The following CES4A variants were observed in gnomAD, a reference collection of about 807,000 sequenced individuals.
The protein encoded by CES4A is carboxylesterase 6.
Under a neutral mutation model 65.4 loss-of-function variants are expected in CES4A, and 48 were observed. The observed-to-expected ratio is 0.73, with a 90% CI of 0.58 to 0.93. CES4A has a LOEUF of 0.93. Ranked by LOEUF, CES4A falls within the 40% of genes least tolerant of loss-of-function variation. The pLI, the probability that CES4A is intolerant of heterozygous loss-of-function variation, is 0.00. For missense variants in CES4A, 685 were observed against 728.5 expected, an observed-to-expected ratio of 0.94 and a Z score of 0.69; for synonymous variants, 247 against 281.8, an observed-to-expected ratio of 0.88 and a Z score of 1.24.
At position 67,006,548 on chromosome 16, in the gene CES4A, T is replaced by G; in HGVS notation, c.1444+29T>G. The G allele has an allele frequency of 1.3e-6, 2 of 1,544,658 alleles. 1 individual carries two copies. Among genetic ancestry groups the G allele is most frequent in the South Asian group, 2.3e-5 (2 of 85,444 alleles). ...CAAAGGTCCCACCTGATACCCCAAC[T>G]GGGTGTCCAGTCTCCCACCTCTGGA... is the stretch of plus-strand genomic sequence containing the variant. On this transcript the variant is annotated intron_variant, in intron 12 of 13. Transcript: ENST00000648724.
chr16:66,993,635 C>T (rs917018164), intron 1 of CES4A, among the ~76,000 whole-genome samples: 6 of 152,242 alleles, frequency 3.9e-5, no homozygotes, highest in African/African-American at 4.8e-5. Context: ...TGAGCCACTG[C>T]GCCTGGCCTT....
intron 10 of CES4A, 48 bp from the exon 11 acceptor site, chr16:67,005,192 G>A (rs372799171): frequency 1.9e-6 from 3 of 1,607,018 alleles, no homozygotes; most frequent in Non-Finnish European, 2.6e-6. Context: ...GCCCACCTCT[G>A]GCCCAGCTGG....
In CES4A at chr16:67,001,850, C is replaced by T. The variant is rs1380088592; in HGVS notation, c.690+389C>T. ...CAGGGGCATGAGTTGACGGGCTTTG[C>T]CCCTGACTCCTGTGTGACTGCTGAC... On this transcript the variant is annotated intron_variant, in intron 5 of 13. Coordinates refer to ENST00000648724, the Ensembl canonical transcript of CES4A. This position sits in a 1 kb window ranked among gnomAD's most constrained non-coding sequence, Gnocchi z 4.1. Among the ~76,000 whole-genome samples the T allele has an allele frequency of 2.0e-5, 3 of 152,256 alleles. No individual in the cohort carries two copies. The highest frequency in any genetic ancestry group is 7.2e-5 in the African/African-American group (3 of 41,464).
chr16:66,995,782 C>T (rs1964798337), exon 2 of CES4A: 2 of 1,614,096 alleles, frequency 1.2e-6, no homozygotes, highest in Admixed American at 1.7e-5. Context: ...CTCCAGAACC[C>T]CCGGAGCCCT....
At chr16:67,009,748 C>T (rs1450850954) in exon 14 of CES4A, 1 of 152,338 alleles carries the variant, frequency 6.6e-6, no homozygotes, top group Admixed American at 6.5e-5. Context: ...TGAATTTCTC[C>T]ACCTATAAAA....
rs962367724 is a variant in CES4A at position 66,992,098 on chromosome 16, T to C, written c.58+3268T>C. 2.0e-5 allele frequency among the ~76,000 whole-genome samples: 3 copies of C among 152,338 alleles called. No individual in the cohort carries two copies. The East Asian group carries it at 5.8e-4, about 29-fold the overall frequency. On this transcript the variant is annotated intron_variant, in intron 1 of 13. Coordinates refer to ENST00000648724, the Ensembl canonical transcript of CES4A. ...ATTCAGGGCAAATCCAGGTAATGGG[T>C]TAGACCTTGGCCTCCTGGCTGTGTC...
intron 9 of CES4A, 71 bp downstream of exon 9, chr16:67,004,295 G>A: frequency 6.4e-7 from 1 of 1,566,522 alleles, no homozygotes. Flanking sequence ...AGGGAAGGAT[G>A]CCTCTTGGAC....
At chr16:67,005,376 C>G in exon 11 of CES4A, 1 of 1,614,024 alleles carries the variant, frequency 6.2e-7, no homozygotes, top group Non-Finnish European at 8.5e-7. Flanking sequence ...ACACTGCAGA[C>G]TGCTCACTAC....
downstream of CES4A, among the ~76,000 whole-genome samples, chr16:67,010,236 T>C (rs191777220): frequency 2.0e-5 from 3 of 151,454 alleles, no homozygotes; most frequent in Admixed American, 2.0e-4. Context: ...CGGCTTATTT[T>C]TGTATTTTTA....
chr16:66,991,985 A>C (rs1217740703), intron 1 of CES4A, among the ~76,000 whole-genome samples: 1 of 152,148 alleles, frequency 6.6e-6, no homozygotes, highest in African/African-American at 2.4e-5. Context: ...GAGGTGAGAT[A>C]ATTTAAAGTG....
intron 11 of CES4A, chr16:67,005,650 C>T (rs925939316): frequency 5.0e-6 from 2 of 401,408 alleles, no homozygotes; most frequent in South Asian, 6.9e-5. Context: ...AGTTCTAGAC[C>T]AGCCTCACCA....
At chr16:66,992,607 A>G (rs1333012984) in intron 1 of CES4A, among the ~76,000 whole-genome samples, 2 of 152,166 alleles carry the variant, frequency 1.3e-5, no homozygotes, top group African/African-American at 2.4e-5. Context: ...GCTTTCTGTC[A>G]CTTTACAGAA....
exon 1 of CES4A, chr16:66,988,662 G>T: frequency 6.5e-7 from 1 of 1,531,472 alleles, no homozygotes; most frequent in South Asian, 1.2e-5. Flanking sequence ...CAGGGATTAA[G>T]AGCAGATAAA....
exon 2 of CES4A, chr16:66,995,748 C>G: frequency 6.2e-7 from 1 of 1,614,228 alleles, no homozygotes; most frequent in East Asian, 2.2e-5. Flanking sequence ...TCCAGACCTC[C>G]TCTAGGTATC....
chr16:66,988,795 G>C, exon 1 of CES4A: 1 of 1,568,820 alleles, frequency 6.4e-7, no homozygotes, highest in Non-Finnish European at 8.7e-7. Flanking sequence ...CTGTGCTGGA[G>C]CCTCACCCTC....
chr16:67,006,309 C>G (rs1965753848), intron 11 of CES4A, 82 bp from the exon 12 acceptor site: 1 of 1,457,824 alleles, frequency 6.9e-7, no homozygotes. Flanking sequence ...CTGCTTGGTG[C>G]AGGTGAGTGG....
intron 1 of CES4A, among the ~76,000 whole-genome samples, chr16:66,989,331 A>G (rs1354293524): frequency 6.6e-6 from 1 of 151,738 alleles, no homozygotes; most frequent in Non-Finnish European, 1.5e-5. Flanking sequence ...TCTTCACTGT[A>G]TAATTATATC....
At chr16:67,006,433 C>T (rs1330700522) in exon 12 of CES4A, 2 of 1,536,464 alleles carry the variant, frequency 1.3e-6, no homozygotes, top group East Asian at 4.9e-5. Context: ...GAGCACCACG[C>T]TCGTGGAATA....
Position 67,001,074 on chromosome 16 carries a change from C to T in CES4A, c.536+84C>T, listed in dbSNP as rs981425886. 1.3e-4 allele frequency: 14 copies of T among 108,620 alleles called. No homozygotes were observed. Among genetic ancestry groups the T allele is most frequent in the African/African-American group, 5.6e-4 (2 of 3,542 alleles). The allele number at this position is 108,620 out of a possible 1,614,324, so 6.7% of individuals were successfully genotyped here. On this transcript the variant is annotated intron_variant, in intron 4 of 13. Coordinates refer to ENST00000648724, the Ensembl canonical transcript of CES4A. The surrounding 1 kb of genome is among the most constrained non-coding windows in gnomAD (Gnocchi z 4.1). ...GGGAAGGGAGGGGCGGGGCCTGGGG[C>T]GGGGATGGGGGGGGTGGGGCCGCGA...
Sources: allele counts gnomAD v4.1 joint callset (sites outside exome capture counted in the v4.1 genomes callset), GRCh38; gene constraint gnomAD v4.1.1; non-coding constraint Gnocchi (gnomAD v3.1); transcripts MANE v1.5; gene names NCBI Gene and HGNC (gene_info 2026-07-23, HGNC 2026-07-21).